KHDRBS2: variants seen among roughly 807,000 people sequenced by gnomAD.
KHDRBS2 encodes KH RNA binding domain containing, signal transduction associated 2.
Under a neutral mutation model 44.3 loss-of-function variants are expected in KHDRBS2, and 26 were observed. That is an observed-to-expected ratio of 0.59 (90% CI 0.43 to 0.81). KHDRBS2 has a LOEUF of 0.81. Among genes scored for constraint, KHDRBS2 ranks in the 40% least tolerant of loss-of-function variants. KHDRBS2 has a pLI of 0.00. For synonymous variants in KHDRBS2, 194 were observed against 151.1 expected, an observed-to-expected ratio of 1.28 and a Z score of -2.08; for missense variants, 476 against 433.1, an observed-to-expected ratio of 1.10 and a Z score of -0.88.
chr6:61,768,751 T>C (rs9451718), intron 6 of KHDRBS2, among the ~76,000 whole-genome samples: 4,314 of 152,138 alleles, frequency 0.028, 223 homozygotes, highest in African/African-American at 0.1. Context: ...AGACAGTCTT[T>C]CCTACCCTTT....
the KHDRBS2 span, among the ~76,000 whole-genome samples, chr6:61,558,003 T>C: frequency 3.3e-5 from 5 of 152,180 alleles, no homozygotes; most frequent in African/African-American, 1.2e-4. Context: ...TTTCTGATCT[T>C]ATATGTTTGG....
At chr6:61,943,751 T>A (rs1812625194) in intron 4 of KHDRBS2, among the ~76,000 whole-genome samples, 1 of 152,066 alleles carries the variant, frequency 6.6e-6, no homozygotes, top group Admixed American at 6.6e-5. Context: ...AAACTATGCA[T>A]CCAATAAGGG....
intron 6 of KHDRBS2, among the ~76,000 whole-genome samples, chr6:61,878,088 T>C (rs1199373084): frequency 1.3e-5 from 2 of 151,994 alleles, no homozygotes. Flanking sequence ...ACATGTTCCA[T>C]AGTGTTTCCC....
At chr6:62,058,431 G>C (rs1207967780) in intron 2 of KHDRBS2, among the ~76,000 whole-genome samples, 1 of 151,844 alleles carries the variant, frequency 6.6e-6, no homozygotes, top group Non-Finnish European at 1.5e-5. Context: ...TTTTTAATCA[G>C]TGGGAATTCA....
chr6:61,763,067 C>T (rs1201175044), intron 6 of KHDRBS2, among the ~76,000 whole-genome samples: 1 of 152,138 alleles, frequency 6.6e-6, no homozygotes, highest in East Asian at 1.9e-4. Flanking sequence ...TCTTGCTAAC[C>T]TATGTTAATA....
chr6:61,810,760 C>T (rs1787990780), intron 6 of KHDRBS2, among the ~76,000 whole-genome samples: 3 of 151,966 alleles, frequency 2.0e-5, no homozygotes, highest in Admixed American at 2.0e-4. Context: ...AAATAAGCTA[C>T]ATCTTTAATA....
chr6:62,196,774 C>G (rs1244509293), intron 1 of KHDRBS2, among the ~76,000 whole-genome samples: 2 of 151,996 alleles, frequency 1.3e-5, no homozygotes, highest in East Asian at 3.9e-4. Context: ...CAGGCAAGGA[C>G]TTGGGGGATT....
intron 3 of KHDRBS2, among the ~76,000 whole-genome samples, chr6:62,023,361 G>A (rs1165140174): frequency 6.6e-6 from 1 of 151,552 alleles, no homozygotes; most frequent in Non-Finnish European, 1.5e-5. Context: ...ATGGTCAAAT[G>A]GACTTCATTA....
Position 62,286,110 on chromosome 6 carries a change from C to A in KHDRBS2, c.-162G>T. 1.7e-6 allele frequency: 1 copy of A among 582,376 alleles called. No individual in the cohort carries two copies. Among genetic ancestry groups the A allele is most frequent in the Non-Finnish European group, 3.0e-6 (1 of 332,628 alleles). The allele number at this position is 582,376 out of a possible 1,614,324, so 36.1% of individuals were successfully genotyped here. ...CCCATGCACCCAGCACCTGCGACTC[C>A]CGCCGTCGGGCTGCGTGGCCCCGCG... On this transcript the variant is annotated 5_prime_UTR_variant, in exon 1 of 9. Coordinates refer to ENST00000281156, the MANE Select transcript of KHDRBS2 (RefSeq NM_152688.4).
intron 2 of KHDRBS2, among the ~76,000 whole-genome samples, chr6:62,107,932 C>T (rs1478616441): frequency 1.3e-5 from 2 of 152,070 alleles, no homozygotes; most frequent in African/African-American, 2.4e-5. Flanking sequence ...ACACCTTATA[C>T]AAAAATTAAT....
At chr6:61,590,965 T>C in the KHDRBS2 span, among the ~76,000 whole-genome samples, 1 of 152,222 alleles carries the variant, frequency 6.6e-6, no homozygotes, top group Non-Finnish European at 1.5e-5. Context: ...ATGAGTACTT[T>C]ATAATTTACA....
At chr6:62,258,155 T>A (rs1044669688) in intron 1 of KHDRBS2, among the ~76,000 whole-genome samples, 4 of 151,990 alleles carry the variant, frequency 2.6e-5, no homozygotes, top group African/African-American at 9.7e-5. Context: ...CTTACTTTAC[T>A]GTTCTAGGTG....
intron 7 of KHDRBS2, among the ~76,000 whole-genome samples, chr6:61,717,002 G>C (rs1771545363): frequency 6.6e-6 from 1 of 151,992 alleles, no homozygotes; most frequent in Non-Finnish European, 1.5e-5. Context: ...GACATGCCTT[G>C]ATCTCAATAA....
intron 6 of KHDRBS2, among the ~76,000 whole-genome samples, chr6:61,787,688 G>T (rs1469912127): frequency 2.6e-5 from 4 of 151,646 alleles, no homozygotes; most frequent in Non-Finnish European, 5.9e-5. Context: ...GTCTTAACCT[G>T]TGTTCCAGCC....
chr6:61,823,540 G>T (rs1465852864), intron 6 of KHDRBS2, among the ~76,000 whole-genome samples: 1 of 151,992 alleles, frequency 6.6e-6, no homozygotes, highest in Non-Finnish European at 1.5e-5. Flanking sequence ...TTTCTTCCAG[G>T]ATATTGTCTT....
chr6:62,234,377 G>T (rs1435381315), intron 1 of KHDRBS2, among the ~76,000 whole-genome samples: 2 of 152,172 alleles, frequency 1.3e-5, no homozygotes, highest in Non-Finnish European at 2.9e-5. Flanking sequence ...CATATGAAAG[G>T]TCAATTTAAA....
intron 4 of KHDRBS2, among the ~76,000 whole-genome samples, chr6:61,913,709 G>A (rs748386446): frequency 6.6e-6 from 1 of 151,948 alleles, no homozygotes; most frequent in Non-Finnish European, 1.5e-5. Context: ...GAGAGACTGG[G>A]GAGGCTGGTT....
At chr6:62,116,900 T>C (rs1008349065) in intron 2 of KHDRBS2, among the ~76,000 whole-genome samples, 1 of 152,190 alleles carries the variant, frequency 6.6e-6, no homozygotes, top group Non-Finnish European at 1.5e-5. Context: ...TCACTTAATA[T>C]AATGACCTCC....
chr6:62,024,571 A>G (rs1345457432), intron 3 of KHDRBS2, among the ~76,000 whole-genome samples: 2 of 151,638 alleles, frequency 1.3e-5, no homozygotes, highest in Non-Finnish European at 3.0e-5. Context: ...ATAGTAATTT[A>G]TGAAAATAAA....
Sources: gnomAD v4.1 joint callset for allele counts (sites outside exome capture counted in the v4.1 genomes callset) on GRCh38, gnomAD v4.1.1 for gene constraint, MANE v1.5 for transcripts, NCBI Gene and HGNC (gene_info 2026-07-23, HGNC 2026-07-21) for gene names.